Variants in COPS2 observed in about 807,000 individuals in gnomAD.
COPS2 encodes COP9 signalosome complex subunit 2.
In COPS2, 10 loss-of-function variants were observed where a neutral mutation model predicts 66.1. The observed-to-expected ratio is 0.15, with a 90% CI of 0.09 to 0.26. COPS2 has a LOEUF of 0.26. Ranked by LOEUF, COPS2 falls within the 10% of genes least tolerant of loss-of-function variation. The pLI is 1.00. For missense variants in COPS2, 215 were observed against 513.3 expected, an observed-to-expected ratio of 0.42 and a Z score of 5.62; for synonymous variants, 179 against 171.3, an observed-to-expected ratio of 1.04 and a Z score of -0.35.
rs906655056 is a variant in COPS2 at position 49,123,294 on chromosome 15, A to C, written c.*4656T>G. ...CCATAAAATGGATGTACAATAAAAC[A>C]ACCTTTAGCAATTAATTTTAAAATG... On this transcript the variant is annotated 3_prime_UTR_variant, in exon 13 of 13. Coordinates refer to ENST00000388901, the MANE Select transcript of COPS2 (RefSeq NM_004236.4). 3.9e-5 allele frequency: 6 copies of C among 152,190 alleles called. No homozygotes were observed. Among genetic ancestry groups the C allele is most frequent in the African/African-American group, 1.4e-4 (6 of 41,454 alleles). The allele number at this position is 152,190 out of a possible 1,614,324, so 9.4% of individuals were successfully genotyped here.
intron 1 of COPS2, among the ~76,000 whole-genome samples, chr15:49,145,697 T>C (rs892458901): frequency 6.6e-6 from 1 of 152,136 alleles, no homozygotes; most frequent in African/African-American, 2.4e-5. Context: ...TGGATTTATA[T>C]AATTTTATGA....
chr15:49,134,986 G>A (rs2084240544), intron 6 of COPS2, among the ~76,000 whole-genome samples: 4 of 152,200 alleles, frequency 2.6e-5, no homozygotes, highest in South Asian at 2.1e-4. Flanking sequence ...TATTAACAAC[G>A]TTAAGTGAAA....
rs146683235 is a variant in COPS2 at position 49,137,547 on chromosome 15, A to T, written c.373-110T>A. ...ATCTTTGAACTTTAATACACATAAG[A>T]TACACTATCTGTATCTTACTGTCTT... On this transcript the variant is annotated intron_variant, in intron 4 of 12. Coordinates refer to ENST00000388901, the MANE Select transcript of COPS2 (RefSeq NM_004236.4). The T allele has an allele frequency of 1.1e-3, 820 of 772,928 alleles. 1 individual carries two copies. The highest frequency in any genetic ancestry group is 1.3e-3 in the Non-Finnish European group (604 of 458,074). 47.9% of individuals were successfully genotyped at this position (772,928 alleles called of 1,614,324 possible). A position where few individuals can be genotyped will look rare whatever the true frequency, so the allele number is the denominator to read the frequency against.
At chr15:49,133,315 C>T (rs1401460945) in intron 9 of COPS2, among the ~76,000 whole-genome samples, 1 of 152,142 alleles carries the variant, frequency 6.6e-6, no homozygotes, top group East Asian at 1.9e-4. Flanking sequence ...TTTAAAAATA[C>T]TTTCATCTTG....
Position 49,133,899 on chromosome 15 carries a change from T to C in COPS2, c.894+31A>G, listed in dbSNP as rs573187305. 4.0e-4 allele frequency: 628 copies of C among 1,567,422 alleles called. 8 individuals are homozygous for C. In the South Asian group the frequency reaches 7.1e-3, roughly 18 times the overall value. On this transcript the variant is annotated intron_variant, in intron 8 of 12. Transcript: ENST00000388901. ...ATAACATTTATTTCCAGATAGCTGA[T>C]AAGAGAAATTAACAATTAAAACACA... is the stretch of plus-strand genomic sequence containing the variant.
intron 3 of COPS2, among the ~76,000 whole-genome samples, chr15:49,142,320 A>C (rs545738905): frequency 4.6e-5 from 7 of 152,346 alleles, no homozygotes; most frequent in African/African-American, 1.7e-4. Flanking sequence ...AAATGAACAA[A>C]GACATTTTGT....
intron 3 of COPS2, among the ~76,000 whole-genome samples, chr15:49,142,526 G>C (rs959288293): frequency 1.3e-5 from 2 of 152,252 alleles, no homozygotes; most frequent in Admixed American, 1.3e-4. Context: ...TACAAAAACA[G>C]GGGAAAAAGA....
chr15:49,125,630 A>G lies in COPS2; in HGVS notation c.*2320T>C, dbSNP rs1191473012. 1 of 152,178 alleles carries G rather than the reference A, an allele frequency of 6.6e-6. No individual in the cohort carries two copies. Among genetic ancestry groups the G allele is most frequent in the African/African-American group, 2.4e-5 (1 of 41,462 alleles). 9.4% of individuals were successfully genotyped at this position (152,178 alleles called of 1,614,324 possible). A position where few individuals can be genotyped will look rare whatever the true frequency, so the allele number is the denominator to read the frequency against. Reference sequence around the variant, plus strand: ...AAACACAGAAAAATGTTTTAAGGGAAGAATAAATTATTTTAAGTTAGTCAG... The same window carrying G: ...AAACACAGAAAAATGTTTTAAGGGAGGAATAAATTATTTTAAGTTAGTCAG... On this transcript the variant is annotated 3_prime_UTR_variant, in exon 13 of 13. Transcript: ENST00000388901.
In COPS2 at chr15:49,129,617, G is replaced by C. The variant is rs1042150499; in HGVS notation, c.1046-58C>G. 9 of 779,748 alleles carry C rather than the reference G, an allele frequency of 1.2e-5. No homozygotes were observed. In the Admixed American group the frequency reaches 2.0e-4, roughly 17 times the overall value. The allele number at this position is 779,748 out of a possible 1,614,324, so 48.3% of individuals were successfully genotyped here. A position where few individuals can be genotyped will look rare whatever the true frequency, so the allele number is the denominator to read the frequency against. ...TTAACAGTTTGTATGATATCTTTATGGATCATTATGTACTCCTAATTATCT... is the reference window on the plus strand; with the variant it reads ...TTAACAGTTTGTATGATATCTTTATCGATCATTATGTACTCCTAATTATCT... On this transcript the variant is annotated intron_variant, in intron 10 of 12. Coordinates refer to ENST00000388901, the MANE Select transcript of COPS2 (RefSeq NM_004236.4).
intron 9 of COPS2, among the ~76,000 whole-genome samples, chr15:49,132,353 GC>G (rs991383842): frequency 6.7e-5 from 10 of 150,348 alleles, no homozygotes; most frequent in African/African-American, 2.4e-4. Context: ...AAAAAAAAAC[GC>G]TTTTTTTTTT....
chr15:49,128,448 T>C (rs528910846), intron 12 of COPS2, among the ~76,000 whole-genome samples: 1 of 152,188 alleles, frequency 6.6e-6, no homozygotes, highest in Admixed American at 6.5e-5. Flanking sequence ...ACATAAATAC[T>C]ATTCATTAAA....
In COPS2 at chr15:49,126,629, C is replaced by A. The variant is rs1475245678; in HGVS notation, c.*1321G>T. On this transcript the variant is annotated 3_prime_UTR_variant, in exon 13 of 13. Transcript: ENST00000388901. ...AAAAATGAAACAAATACATCCAAAA[C>A]TCAATACATTCAAATGAGCTGAGTT... is the stretch of plus-strand genomic sequence containing the variant. The A allele has an allele frequency of 6.6e-6, 1 of 152,198 alleles. No individual in the cohort carries two copies. The highest frequency in any genetic ancestry group is 1.5e-5 in the Non-Finnish European group (1 of 67,954). The allele number at this position is 152,198 out of a possible 1,614,324, so 9.4% of individuals were successfully genotyped here.
At chr15:49,128,535 C>A (rs976306988) in intron 12 of COPS2, among the ~76,000 whole-genome samples, 167 bp downstream of exon 12, 2 of 152,206 alleles carry the variant, frequency 1.3e-5, no homozygotes, top group South Asian at 4.1e-4. Flanking sequence ...GTTTAATACG[C>A]TCATTCATCA....
At chr15:49,142,427 G>A (rs910215335) in intron 3 of COPS2, among the ~76,000 whole-genome samples, 2 of 152,186 alleles carry the variant, frequency 1.3e-5, no homozygotes, top group Non-Finnish European at 2.9e-5. Flanking sequence ...AGAGGTACAA[G>A]ATTAGTAGAA....
intron 1 of COPS2, among the ~76,000 whole-genome samples, chr15:49,146,869 TC>T (rs1174155425): frequency 6.6e-6 from 1 of 152,178 alleles, no homozygotes; most frequent in Non-Finnish European, 1.5e-5. Context: ...AAAACTTGAC[TC>T]CTGTGTCCAA....
chr15:49,140,372 T>A (rs1391560902), intron 3 of COPS2, among the ~76,000 whole-genome samples: 1 of 152,140 alleles, frequency 6.6e-6, no homozygotes, highest in Non-Finnish European at 1.5e-5. Context: ...TTTTATCCCT[T>A]CCTCAGGAAG....
At chr15:49,137,544 A>G in intron 4 of COPS2, 107 bp from the exon 5 acceptor site, 1 of 781,614 alleles carries the variant, frequency 1.3e-6, no homozygotes, top group Non-Finnish European at 2.2e-6. Context: ...TAATACACAT[A>G]AGATACACTA....
chr15:49,132,874 G>A (rs1159349464), intron 9 of COPS2, among the ~76,000 whole-genome samples: 3 of 151,842 alleles, frequency 2.0e-5, no homozygotes, highest in Non-Finnish European at 4.4e-5. Context: ...TTCTTCAGTG[G>A]TTAACCATCA....
At chr15:49,137,100 C>A in intron 6 of COPS2, 50 bp downstream of exon 6, 2 of 1,145,100 alleles carry the variant, frequency 1.7e-6, no homozygotes, top group Non-Finnish European at 2.5e-6. Flanking sequence ...ATTGCTTATA[C>A]TTTTTTTTTA....
Sources: gnomAD v4.1 joint callset for allele counts (sites outside exome capture counted in the v4.1 genomes callset) on GRCh38, gnomAD v4.1.1 for gene constraint, MANE v1.5 for transcripts, NCBI Gene and HGNC (gene_info 2026-07-23, HGNC 2026-07-21) for gene names.